The following LRP1B variants were observed in gnomAD, a reference collection of about 807,000 sequenced individuals.
The protein encoded by LRP1B is low-density lipoprotein receptor-related protein 1B.
A neutral mutation model predicts 556.6 loss-of-function variants in LRP1B; 217 were observed. The ratio of observed to expected loss-of-function variants is 0.39; its 90% CI spans 0.35 to 0.44. The LOEUF is 0.44. Ranked by LOEUF, LRP1B falls within the 20% of genes least tolerant of loss-of-function variation. The pLI, the probability that LRP1B is intolerant of heterozygous loss-of-function variation, is 1.00. For synonymous variants in LRP1B, 2,047 were observed against 1,865.8 expected (o/e 1.10, Z -2.50); for missense variants, 5,053 against 5,620.8 (o/e 0.90, Z 3.23).
intron 1 of LRP1B, among the ~76,000 whole-genome samples, chr2:142,077,489 A>G (rs979519979): frequency 6.6e-6 from 1 of 152,176 alleles, no homozygotes; most frequent in Admixed American, 6.6e-5. Flanking sequence ...TCACTTGTAT[A>G]TGCAGAGAAA....
chr2:141,107,429 C>T (rs1368771539), intron 7 of LRP1B, among the ~76,000 whole-genome samples: 1 of 152,048 alleles, frequency 6.6e-6, no homozygotes, highest in African/African-American at 2.4e-5. Context: ...GGGTGGATCA[C>T]AAGGTCAAGA....
chr2:141,156,607 G>T (rs1249452), intron 7 of LRP1B, among the ~76,000 whole-genome samples: 46,610 of 149,074 alleles, frequency 0.31, 7,700 homozygotes, highest in East Asian at 0.66. Context: ...CATCCCGGGC[G>T]ACAGGGCTAT....
At chr2:140,629,860 A>G (rs1683815348) in intron 41 of LRP1B, among the ~76,000 whole-genome samples, 1 of 152,210 alleles carries the variant, frequency 6.6e-6, no homozygotes, top group East Asian at 1.9e-4. Context: ...CAAAAATTCA[A>G]TAAACTAATA....
intron 32 of LRP1B, among the ~76,000 whole-genome samples, chr2:140,784,278 G>A (rs974031836): frequency 6.6e-6 from 1 of 151,632 alleles, no homozygotes; most frequent in Non-Finnish European, 1.5e-5. Context: ...TGACATCCAG[G>A]TTTCTATGCC....
At chr2:141,153,332 A>T (rs1007806422) in intron 7 of LRP1B, among the ~76,000 whole-genome samples, 2 of 108,446 alleles carry the variant, frequency 1.8e-5, no homozygotes, top group African/African-American at 3.2e-5. Context: ...ATATATTTAT[A>T]TAATAATATA....
At chr2:140,285,398 CACAG>C (rs955562181) in intron 84 of LRP1B, among the ~76,000 whole-genome samples, 3 of 147,848 alleles carry the variant, frequency 2.0e-5, no homozygotes, top group African/African-American at 7.6e-5. Context: ...TATATATACA[CACAG>C]AGAGAGAGAT....
At chr2:141,075,065 C>T (rs1309983247) in intron 7 of LRP1B, among the ~76,000 whole-genome samples, 1 of 152,106 alleles carries the variant, frequency 6.6e-6, no homozygotes, top group South Asian at 2.1e-4. Context: ...GATTGGCTCT[C>T]AAATCTAGCA....
At chr2:141,291,723 G>A (rs983611549) in intron 3 of LRP1B, among the ~76,000 whole-genome samples, 1 of 151,864 alleles carries the variant, frequency 6.6e-6, no homozygotes, top group East Asian at 2.0e-4. Flanking sequence ...GGGAGTGGTG[G>A]CGGGCACCTG....
At chr2:142,045,986 T>C (rs1323157928) in intron 1 of LRP1B, among the ~76,000 whole-genome samples, 4 of 151,892 alleles carry the variant, frequency 2.6e-5, no homozygotes, top group Non-Finnish European at 5.9e-5. Flanking sequence ...AGGCCACTAT[T>C]TGGGGTAATG....
intron 2 of LRP1B, among the ~76,000 whole-genome samples, chr2:141,796,737 T>C (rs1405306099): frequency 6.6e-6 from 1 of 151,972 alleles, no homozygotes; most frequent in African/African-American, 2.4e-5. Context: ...TCTCTTGCAT[T>C]TGCAGTTGTA....
chr2:141,053,345 A>G (rs1379327404), intron 10 of LRP1B, among the ~76,000 whole-genome samples: 1 of 151,862 alleles, frequency 6.6e-6, no homozygotes, highest in African/African-American at 2.4e-5. Context: ...CCTCCATTCT[A>G]TATCAAGAGG....
At chr2:141,524,263 A>AATATAT (rs76874852) in intron 2 of LRP1B, among the ~76,000 whole-genome samples, 65,377 of 147,790 alleles carry the variant, frequency 0.44, 15,224 homozygotes, top group Non-Finnish European at 0.52. Context: ...ATAAGCAAAG[A>AATATAT]ATATATATAT....
At chr2:141,660,673 T>C (rs1690182632) in intron 2 of LRP1B, among the ~76,000 whole-genome samples, 1 of 152,114 alleles carries the variant, frequency 6.6e-6, no homozygotes, top group Admixed American at 6.5e-5. Context: ...AGAACTCTGA[T>C]CTCTCTGGGA....
intron 35 of LRP1B, among the ~76,000 whole-genome samples, chr2:140,734,113 A>C (rs1365550519): frequency 6.6e-6 from 1 of 152,238 alleles, no homozygotes; most frequent in Non-Finnish European, 1.5e-5. Context: ...ACAGACTCTT[A>C]TTGAGTATTT....
chr2:142,027,215 T>C (rs1468011197), intron 1 of LRP1B, among the ~76,000 whole-genome samples: 3 of 151,680 alleles, frequency 2.0e-5, no homozygotes, highest in Non-Finnish European at 4.4e-5. Flanking sequence ...TGAATGAGGA[T>C]CCCCAAATTA....
chr2:140,831,367 C>T (rs1177689938), intron 31 of LRP1B, among the ~76,000 whole-genome samples: 1 of 152,054 alleles, frequency 6.6e-6, no homozygotes, highest in African/African-American at 2.4e-5. Flanking sequence ...GAAATAAATC[C>T]ATACACTTAC....
intron 3 of LRP1B, among the ~76,000 whole-genome samples, chr2:141,419,136 G>T (rs1680046856): frequency 6.6e-6 from 1 of 151,916 alleles, no homozygotes; most frequent in Non-Finnish European, 1.5e-5. Flanking sequence ...TTTCAGTACT[G>T]TATTTAATAG....
At chr2:141,398,855 AC>A (rs1223183006) in intron 3 of LRP1B, among the ~76,000 whole-genome samples, 6 of 152,136 alleles carry the variant, frequency 3.9e-5, no homozygotes, top group African/African-American at 1.4e-4. Flanking sequence ...GGCCTTACAA[AC>A]ATTCTTTGTT....
intron 60 of LRP1B, among the ~76,000 whole-genome samples, chr2:140,458,090 T>A (rs1687176934): frequency 1.3e-5 from 2 of 152,132 alleles, no homozygotes; most frequent in Non-Finnish European, 2.9e-5. Context: ...CCCTACTTTT[T>A]TCACATGTAA....
Sources: allele counts gnomAD v4.1 joint callset (sites outside exome capture counted in the v4.1 genomes callset), GRCh38; gene constraint gnomAD v4.1.1; transcripts MANE v1.5; gene names NCBI Gene and HGNC (gene_info 2026-07-23, HGNC 2026-07-21).